Variants in PCDHGA2 observed in about 807,000 individuals in gnomAD.
PCDHGA2 encodes protocadherin gamma subfamily A, 2, also known as protocadherin gamma-A2.
PCDHGA2 carries 40 observed loss-of-function variants against 59.2 expected under a neutral mutation model. The ratio of observed to expected loss-of-function variants is 0.68; its 90% CI spans 0.52 to 0.88. PCDHGA2 has a LOEUF of 0.88. PCDHGA2 is among the 40% of genes least tolerant of loss of function. The pLI is 0.00. For synonymous variants in PCDHGA2, 560 were observed against 526.0 expected (o/e 1.06, Z -0.89); for missense variants, 1,226 against 1,204.0 (o/e 1.02, Z -0.27).
At chr5:141,383,709 C>T in intron 1 of PCDHGA2, 1 of 1,613,896 alleles carries the variant, frequency 6.2e-7, no homozygotes, top group Non-Finnish European at 8.5e-7. Context: ...TCGACCTGGA[C>T]GAGGGAGTCA....
chr5:141,484,867 G>C lies in PCDHGA2; in HGVS notation c.2425-9940G>C, dbSNP rs573580017. The C allele has an allele frequency of 1.8e-5, 5 of 282,560 alleles. No homozygotes were observed. The Admixed American group carries it at 1.9e-4, about 11-fold the overall frequency. The allele number at this position is 282,560 out of a possible 1,614,324, so 17.5% of individuals were successfully genotyped here. A position where few individuals can be genotyped will look rare whatever the true frequency, so the allele number is the denominator to read the frequency against. ...TGGGTTTTTTGGGGGGTGGGGGAGC[G>C]TGGAGGATAGGGTGGGCTTTTTCCC... On this transcript the variant is annotated intron_variant, in intron 1 of 3. Coordinates refer to ENST00000394576, the MANE Select transcript of PCDHGA2 (RefSeq NM_018915.4).
chr5:141,383,790 T>C, intron 1 of PCDHGA2: 1 of 1,614,006 alleles, frequency 6.2e-7, no homozygotes. Context: ...TGAACTCGCT[T>C]ACAGGAGAAA....
intron 1 of PCDHGA2, chr5:141,420,925 G>A: frequency 2.8e-6 from 1 of 355,536 alleles, no homozygotes; most frequent in Non-Finnish European, 5.1e-6. Context: ...TCACAAAGGT[G>A]AGCGTAATCA....
chr5:141,362,640 T>C (rs1454864251), intron 1 of PCDHGA2: 1 of 1,468,046 alleles, frequency 6.8e-7, no homozygotes, highest in Non-Finnish European at 9.1e-7. Flanking sequence ...TATTTCTTTG[T>C]CTGTGAGTTA....
chr5:141,417,830 G>C (rs2096166388), intron 1 of PCDHGA2: 1 of 1,527,028 alleles, frequency 6.5e-7, no homozygotes, highest in African/African-American at 1.4e-5. Flanking sequence ...AACTGGAAAA[G>C]CGGGGACCCA....
At chr5:141,466,689 A>G (rs2099127361) in intron 1 of PCDHGA2, among the ~76,000 whole-genome samples, 1 of 152,220 alleles carries the variant, frequency 6.6e-6, no homozygotes, top group Admixed American at 6.5e-5. Context: ...CTCAAGCTTC[A>G]TCATAAATTT....
intron 1 of PCDHGA2, among the ~76,000 whole-genome samples, chr5:141,448,393 A>G (rs190525499): frequency 6.6e-6 from 1 of 152,306 alleles, no homozygotes; most frequent in Admixed American, 6.5e-5. Flanking sequence ...ATACATTTAC[A>G]TGGTTTTAAA....
At chr5:141,388,487 C>T in intron 1 of PCDHGA2, 1 of 1,613,776 alleles carries the variant, frequency 6.2e-7, no homozygotes, top group Non-Finnish European at 8.5e-7. Flanking sequence ...CACCTTTGGA[C>T]AGAGAAAAGC....
At chr5:141,426,586 G>A (rs2096944939) in intron 1 of PCDHGA2, 1 of 363,442 alleles carries the variant, frequency 2.8e-6, no homozygotes, top group African/African-American at 2.1e-5. Flanking sequence ...AAAATCCTCT[G>A]TGTCATACCC....
rs2094321391 is a variant in PCDHGA2, at chr5:141,402,912, G to GCTTCATCA, written c.2424+61518_2424+61519insTTCATCAC. ...AAGAAAGAACCTGATGAAGCAGCGCGCACAGAGATCCTTTTGAGAAAATTC... is the reference window on the plus strand; with the variant it reads ...AAGAAAGAACCTGATGAAGCAGCGCGCTTCATCACACAGAGATCCTTTTGAGAAAATTC... On this transcript the variant is annotated intron_variant, in intron 1 of 3. Coordinates refer to ENST00000394576, the MANE Select transcript of PCDHGA2 (RefSeq NM_018915.4). 6 of 1,553,880 alleles carry GCTTCATCA rather than the reference G, an allele frequency of 3.9e-6. No individual in the cohort carries two copies. In the African/African-American group the frequency reaches 8.2e-5, roughly 21 times the overall value.
At position 141,481,719 on chromosome 5, in the gene PCDHGA2, G is replaced by A. The variant is rs1055207250; in HGVS notation, c.2425-13088G>A. On this transcript the variant is annotated intron_variant, in intron 1 of 3. Coordinates refer to ENST00000394576, the MANE Select transcript of PCDHGA2 (RefSeq NM_018915.4). ...CTGTAATCCCAGCACTTTGGGAGGC[G>A]GAGGCGGGCGGATCACGAGGTCAGG... 5.3e-5 allele frequency among the ~76,000 whole-genome samples: 8 copies of A among 151,716 alleles called. No homozygotes were observed. In the East Asian group the frequency reaches 9.7e-4, roughly 18 times the overall value.
chr5:141,450,310 G>A (rs1364358879), intron 1 of PCDHGA2, among the ~76,000 whole-genome samples: 1 of 151,966 alleles, frequency 6.6e-6, no homozygotes, highest in Non-Finnish European at 1.5e-5. Context: ...ACCATGTGTG[G>A]CCTAGTTGCC....
rs35821115 is a variant in PCDHGA2, at chr5:141,460,961, ATGTG to A, written c.2425-33826_2425-33823del. 3.6e-3 allele frequency among the ~76,000 whole-genome samples: 519 copies of A among 144,600 alleles called. 3 individuals carry two copies. The highest frequency in any genetic ancestry group is 4.3e-3 in the African/African-American group (168 of 38,712). The allele number at this position is 144,600 out of a possible 152,430, so 94.9% of individuals were successfully genotyped here. A position where few individuals can be genotyped will look rare whatever the true frequency, so the allele number is the denominator to read the frequency against. ...ATATATATGTATTATGTATATATAT[ATGTG>A]TGTGTGTGTGTGTGTGTGTATATAT... On this transcript the variant is annotated intron_variant, in intron 1 of 3. Transcript: ENST00000394576.
intron 1 of PCDHGA2, chr5:141,484,858 T>A: frequency 4.1e-6 from 1 of 245,806 alleles, no homozygotes; most frequent in Non-Finnish European, 7.8e-6. Context: ...TTTTGGGGGG[T>A]GGGGGAGCGT....
intron 1 of PCDHGA2, chr5:141,356,433 C>A: frequency 6.2e-7 from 1 of 1,610,210 alleles, no homozygotes; most frequent in Non-Finnish European, 8.5e-7. Context: ...GAACACTGGA[C>A]AGGGAAGAAG....
chr5:141,441,036 A>G (rs2098219746), intron 1 of PCDHGA2: 1 of 152,216 alleles, frequency 6.6e-6, no homozygotes, highest in South Asian at 2.1e-4. Context: ...TGAAAACTTT[A>G]AGTACATTGG....
chr5:141,394,652 G>T (rs1589237070), intron 1 of PCDHGA2: 1 of 1,613,422 alleles, frequency 6.2e-7, no homozygotes, highest in Non-Finnish European at 8.5e-7. Flanking sequence ...AGGCCAGCGA[G>T]CCGGGACTCT....
chr5:141,360,822 A>C, intron 1 of PCDHGA2: 2 of 1,613,994 alleles, frequency 1.2e-6, no homozygotes, highest in Non-Finnish European at 1.7e-6. Flanking sequence ...CCCAAATCCG[A>C]ATCAAAGTCA....
chr5:141,374,091 C>A, intron 1 of PCDHGA2: 1 of 1,536,766 alleles, frequency 6.5e-7, no homozygotes, highest in Non-Finnish European at 8.8e-7. Context: ...GTAATGGCGC[C>A]TCCGCAGAGG....
Sources: allele counts gnomAD v4.1 joint callset (sites outside exome capture counted in the v4.1 genomes callset), GRCh38; gene constraint gnomAD v4.1.1; transcripts MANE v1.5; gene names NCBI Gene and HGNC (gene_info 2026-07-23, HGNC 2026-07-21).